MAGI2: variants seen among roughly 807,000 people sequenced by gnomAD.
The protein encoded by MAGI2 is membrane-associated guanylate kinase, WW and PDZ domain-containing protein 2.
A neutral mutation model predicts 133.3 loss-of-function variants in MAGI2; 35 were observed. The ratio of observed to expected loss-of-function variants is 0.26; its 90% CI spans 0.20 to 0.35. The LOEUF (loss-of-function observed/expected upper bound fraction) is 0.35, where lower values mean the gene tolerates loss of function less well. MAGI2 is among the 10% of genes least tolerant of loss of function. The probability of loss-of-function intolerance (pLI) is 1.00; values close to 1 mark genes in which losing one functional copy is unlikely to be tolerated. For synonymous variants in MAGI2, 729 were observed against 710.6 expected (o/e 1.03, Z -0.41); for missense variants, 1,636 against 1,863.4 (o/e 0.88, Z 2.25).
chr7:78,867,093 G>A (rs1794623781), intron 2 of MAGI2, among the ~76,000 whole-genome samples: 1 of 149,642 alleles, frequency 6.7e-6, no homozygotes, highest in South Asian at 2.1e-4. Flanking sequence ...CTGTTGGTGG[G>A]ACTGTAAACT....
Position 78,075,376 on chromosome 7 carries a change from C to CTTT in MAGI2, c.3706+3568_3706+3570dup, listed in dbSNP as rs34396344. Reference sequence around the variant, plus strand: ...TTTTCACTATATTGATGTAATAAATCTTTTTTTTTTTTTTTTTTGAGACGG... The same window carrying CTTT: ...TTTTCACTATATTGATGTAATAAATCTTTTTTTTTTTTTTTTTTTTTGAGACGG... On this transcript the variant is annotated intron_variant, in intron 21 of 21. Transcript: ENST00000354212. Among the ~76,000 whole-genome samples, 23 of 126,508 alleles carry CTTT rather than the reference C, an allele frequency of 1.8e-4. 1 individual carries two copies. Among genetic ancestry groups the CTTT allele is most frequent in the East Asian group, 6.6e-4 (3 of 4,564 alleles). 83.0% of individuals were successfully genotyped at this position (126,508 alleles called of 152,430 possible).
At chr7:78,396,625 A>G (rs1355761315) in intron 6 of MAGI2, among the ~76,000 whole-genome samples, 1 of 151,948 alleles carries the variant, frequency 6.6e-6, no homozygotes, top group Non-Finnish European at 1.5e-5. Context: ...ACCATATAAC[A>G]TTTTACTATT....
At chr7:78,948,300 A>AC (rs961906102) in intron 2 of MAGI2, among the ~76,000 whole-genome samples, 2 of 151,782 alleles carry the variant, frequency 1.3e-5, no homozygotes, top group African/African-American at 4.8e-5. Context: ...TTTTATTTCT[A>AC]CTTTTTTTTT....
intron 1 of MAGI2, among the ~76,000 whole-genome samples, chr7:79,133,938 C>G (rs1221359716): frequency 6.6e-6 from 1 of 152,116 alleles, no homozygotes; most frequent in African/African-American, 2.4e-5. Context: ...ACGTTGGAAA[C>G]CTTTGTCTTT....
chr7:78,646,272 TTTC>T (rs1359340477), intron 2 of MAGI2, among the ~76,000 whole-genome samples: 4 of 152,174 alleles, frequency 2.6e-5, no homozygotes, highest in African/African-American at 9.6e-5. Flanking sequence ...TGTTATATTA[TTTC>T]TTCTCTGTTT....
chr7:78,929,600 T>C (rs1799959619), intron 2 of MAGI2, among the ~76,000 whole-genome samples: 1 of 152,016 alleles, frequency 6.6e-6, no homozygotes, highest in Admixed American at 6.6e-5. Flanking sequence ...CAGTTTTCCG[T>C]CTTCAAAACA....
chr7:78,963,624 C>T (rs1803051414), intron 2 of MAGI2, among the ~76,000 whole-genome samples: 1 of 151,830 alleles, frequency 6.6e-6, no homozygotes, highest in African/African-American at 2.4e-5. Flanking sequence ...TGTGAAGTAA[C>T]AAAACTGAAA....
At chr7:78,204,225 A>C (rs1332623390) in intron 10 of MAGI2, among the ~76,000 whole-genome samples, 1 of 152,194 alleles carries the variant, frequency 6.6e-6, no homozygotes, top group Non-Finnish European at 1.5e-5. Flanking sequence ...ATTATTTAAA[A>C]ACTGCTTGCT....
At chr7:78,125,645 G>T in intron 20 of MAGI2, 49 bp downstream of exon 20, 1 of 1,591,954 alleles carries the variant, frequency 6.3e-7, no homozygotes, top group Non-Finnish European at 8.6e-7. Flanking sequence ...TACCACAGTC[G>T]GTTTTTCTTT....
chr7:78,050,944 G>A (rs1448205889), intron 21 of MAGI2, among the ~76,000 whole-genome samples: 1 of 152,162 alleles, frequency 6.6e-6, no homozygotes, highest in African/African-American at 2.4e-5. Flanking sequence ...ATAGGAACAG[G>A]CCACACAACT....
At chr7:79,156,737 C>T (rs562103422) in intron 1 of MAGI2, among the ~76,000 whole-genome samples, 2 of 152,184 alleles carry the variant, frequency 1.3e-5, no homozygotes, top group Admixed American at 1.3e-4. Context: ...GTTTTCAGGA[C>T]CTCTTGATGG....
chr7:78,549,944 A>G (rs1208392911), intron 3 of MAGI2, among the ~76,000 whole-genome samples: 1 of 152,116 alleles, frequency 6.6e-6, no homozygotes, highest in Non-Finnish European at 1.5e-5. Flanking sequence ...TATCCTTGAT[A>G]GTGTTAGGAG....
At position 79,311,415 on chromosome 7, in the gene MAGI2, C is replaced by T. The variant is rs147319026; in HGVS notation, c.301+141605G>A. On this transcript the variant is annotated intron_variant, in intron 1 of 21. Coordinates refer to ENST00000354212, the MANE Select transcript of MAGI2 (RefSeq NM_012301.4). Reference sequence around the variant, plus strand: ...ATTTGTGTTGTGCTGCATTCAAAGTCGTCCTGGGCTGCATGCGGGCTGTGG... The same window carrying T: ...ATTTGTGTTGTGCTGCATTCAAAGTTGTCCTGGGCTGCATGCGGGCTGTGG... Among the ~76,000 whole-genome samples the T allele has an allele frequency of 1.4e-4, 21 of 152,204 alleles. No individual in the cohort carries two copies. The East Asian group carries it at 3.9e-3, about 28-fold the overall frequency.
At chr7:78,994,197 T>C (rs1382319063) in intron 2 of MAGI2, among the ~76,000 whole-genome samples, 1 of 152,132 alleles carries the variant, frequency 6.6e-6, no homozygotes, top group Non-Finnish European at 1.5e-5. Context: ...GAGCCAGCTA[T>C]GCTGAGATGG....
At chr7:79,398,443 G>C (rs1845215041) in intron 1 of MAGI2, among the ~76,000 whole-genome samples, 1 of 152,162 alleles carries the variant, frequency 6.6e-6, no homozygotes, top group Non-Finnish European at 1.5e-5. Flanking sequence ...TTTGTGAGAG[G>C]CATGTCCTGA....
intron 2 of MAGI2, among the ~76,000 whole-genome samples, chr7:78,854,509 T>C (rs1009222420): frequency 6.6e-6 from 1 of 152,168 alleles, no homozygotes; most frequent in African/African-American, 2.4e-5. Flanking sequence ...GTAATGTAAC[T>C]GCTTTATATT....
Position 78,482,890 on chromosome 7 carries a change from CACACACA to C in MAGI2, c.1045+6864_1045+6870del, listed in dbSNP as rs753639884. On this transcript the variant is annotated intron_variant, in intron 6 of 21. Coordinates refer to ENST00000354212, the MANE Select transcript of MAGI2 (RefSeq NM_012301.4). ...CATCACATGGAACTACACACACACA[CACACACA>C]CACACACACACACACACACACACAC... Among the ~76,000 whole-genome samples, 111 of 148,484 alleles carry C rather than the reference CACACACA, an allele frequency of 7.5e-4. 1 individual carries two copies. The highest frequency in any genetic ancestry group is 1.6e-3 in the East Asian group (8 of 5,024).
At position 78,998,332 on chromosome 7, in the gene MAGI2, A is replaced by G. The variant is rs188091044; in HGVS notation, c.418+8758T>C. On this transcript the variant is annotated intron_variant, in intron 2 of 21. Transcript: ENST00000354212. The stretch of plus-strand genomic sequence containing the variant: ...CCAATTTGATGAGTTGAATAATGAT[A>G]AAATACAGAAAAGTAAGCCAGCAGA... Among the ~76,000 whole-genome samples, 3 of 152,330 alleles carry G rather than the reference A, an allele frequency of 2.0e-5. No individual in the cohort carries two copies. In the East Asian group the frequency reaches 5.8e-4, roughly 29 times the overall value.
intron 1 of MAGI2, among the ~76,000 whole-genome samples, chr7:79,285,296 C>T (rs1052518891): frequency 8.6e-5 from 13 of 151,978 alleles, no homozygotes; most frequent in African/African-American, 3.1e-4. Flanking sequence ...ATATGACAAC[C>T]AAAGATTCTT....
Sources: gnomAD v4.1 joint callset for allele counts (sites outside exome capture counted in the v4.1 genomes callset) on GRCh38, gnomAD v4.1.1 for gene constraint, MANE v1.5 for transcripts, NCBI Gene and HGNC (gene_info 2026-07-23, HGNC 2026-07-21) for gene names.